Variants in MYBPC2 observed in about 807,000 individuals in gnomAD.
MYBPC2 encodes myosin binding protein C2, also known as myosin-binding protein C, fast-type.
A neutral mutation model predicts 137.0 loss-of-function variants in MYBPC2; 122 were observed. The observed-to-expected ratio is 0.89, with a 90% confidence interval of 0.77 to 1.03. The LOEUF (loss-of-function observed/expected upper bound fraction) is 1.03. Among genes scored for constraint, MYBPC2 ranks in the 50% least tolerant of loss-of-function variants. MYBPC2 has a pLI of 0.00. For synonymous variants in MYBPC2, 626 were observed against 612.3 expected (o/e 1.02, Z -0.33); for missense variants, 1,500 against 1,534.4 (o/e 0.98, Z 0.37).
At chr19:50,436,264 C>A in intron 4 of MYBPC2, 104 bp downstream of exon 4, 2 of 1,469,050 alleles carry the variant, frequency 1.4e-6, no homozygotes, top group Non-Finnish European at 9.1e-7. Flanking sequence ...GGGCCTGGAG[C>A]CGGGATGGAG....
At chr19:50,445,779 G>A (rs2122591625) in intron 11 of MYBPC2, 101 bp from the exon 12 acceptor site, 5 of 1,216,718 alleles carry the variant, frequency 4.1e-6, no homozygotes, top group Middle Eastern at 2.0e-4. Flanking sequence ...CCGGGGACCT[G>A]CCTTCTGATC....
rs746446607 is a variant in MYBPC2 at position 50,459,073 on chromosome 19, C to A, written c.2596-38C>A. ...GCAAGCCCCCTTTTTGCGGGTGGAGCCCCGCTGACCCCACCCCGCCCCGCC... is the reference window on the plus strand; with the variant it reads ...GCAAGCCCCCTTTTTGCGGGTGGAGACCCGCTGACCCCACCCCGCCCCGCC... On this transcript the variant is annotated intron_variant, in intron 22 of 27. Coordinates refer to ENST00000357701, the MANE Select transcript of MYBPC2 (RefSeq NM_004533.4). 3.2e-6 allele frequency: 5 copies of A among 1,554,012 alleles called. No individual in the cohort carries two copies. The African/African-American group carries it at 6.8e-5, about 21-fold the overall frequency.
Position 50,451,913 on chromosome 19 carries a change from G to T in MYBPC2, c.1659G>T (p.Ala553=). 2 of 1,584,780 alleles carry T rather than the reference G, an allele frequency of 1.3e-6. No individual in the cohort carries two copies. Among genetic ancestry groups the T allele is most frequent in the Non-Finnish European group, 1.7e-6 (2 of 1,164,840 alleles). ...GCTCGGGGAAGACCTCAGAGAATGC[G>T]ATTGTGGTTGTGGCTGGAAACAAGC... ...LDCSGKTSEN[A]IVVVAGNKLR... The change falls in exon 16 of 28, where the codon GCG becomes GCT. Residue 553 remains alanine (A), a synonymous_variant. Coordinates refer to ENST00000357701, the MANE Select transcript of MYBPC2 (RefSeq NM_004533.4).
intron 21 of MYBPC2, 29 bp from the exon 22 acceptor site, chr19:50,458,889 G>A (rs770241859): frequency 6.2e-7 from 1 of 1,601,174 alleles, no homozygotes; most frequent in African/African-American, 1.3e-5. Context: ...GCCCCCCGCT[G>A]AGCCCCCTCC....
chr19:50,436,476 T>G (rs2122577022), intron 4 of MYBPC2, 141 bp from the exon 5 acceptor site: 1 of 796,586 alleles, frequency 1.3e-6, no homozygotes, highest in East Asian at 2.7e-5. Flanking sequence ...CACCAGGTGC[T>G]GAGACCCCTC....
In MYBPC2 at chr19:50,451,965, G is replaced by T. The variant is rs939855481; in HGVS notation, c.1711G>T (p.Glu571Ter). 4 of 1,556,626 alleles carry T rather than the reference G, an allele frequency of 2.6e-6. No homozygotes were observed. Among genetic ancestry groups the T allele is most frequent in the Middle Eastern group, 1.7e-4 (1 of 6,020 alleles). The change falls in exon 16 of 28, where the codon GAG (glutamate) becomes TAG (stop). Residue 571 changes from glutamate to a stop codon, truncating the protein, a stop_gained. Transcript: ENST00000357701. LOFTEE classifies it high-confidence loss of function. ...KLRLDVSITGEPPPVATWLKG... is the reference protein window; with the variant it reads ...KLRLDVSITG ...GAGGCTTGACGTGTCCATCACAGGG[G>T]AGCCCCCTCCCGTCGCTACCTGGCT...
At chr19:50,442,366 A>C in intron 9 of MYBPC2, 53 bp downstream of exon 9, 2 of 1,580,060 alleles carry the variant, frequency 1.3e-6, no homozygotes, top group Admixed American at 1.8e-5. Flanking sequence ...TCCAGAGAGA[A>C]CGCCCGGAGA....
chr19:50,446,091 A>G (rs560785049), intron 12 of MYBPC2, 39 bp downstream of exon 12: 11 of 1,593,204 alleles, frequency 6.9e-6, no homozygotes, highest in South Asian at 2.3e-5. Context: ...TGCACTGCGC[A>G]TGCTTCTCCA....
chr19:50,445,677 G>C (rs953274730), intron 11 of MYBPC2, among the ~76,000 whole-genome samples: 2 of 152,126 alleles, frequency 1.3e-5, no homozygotes, highest in Non-Finnish European at 2.9e-5. Flanking sequence ...ACAGGCATGA[G>C]CCAGCGTGCC....
At position 50,449,143 on chromosome 19, in the gene MYBPC2, G is replaced by A. The variant is rs113051605; in HGVS notation, c.1472+753G>A. ...GCAGGAGGATTTCTTGGGCCCAGGA[G>A]TTCAAGACCAGCCTGGGCAACATAG... is the stretch of plus-strand genomic sequence containing the variant. On this transcript the variant is annotated intron_variant, in intron 13 of 27. Coordinates refer to ENST00000357701, the MANE Select transcript of MYBPC2 (RefSeq NM_004533.4). Among the ~76,000 whole-genome samples, 966 of 152,238 alleles carry A rather than the reference G, an allele frequency of 6.3e-3. 11 individuals carry two copies. Among genetic ancestry groups the A allele is most frequent in the Non-Finnish European group, 0.01 (696 of 67,998 alleles).
intron 12 of MYBPC2, 29 bp from the exon 13 acceptor site, chr19:50,448,196 C>A (rs1043684066): frequency 2.0e-5 from 32 of 1,598,826 alleles, no homozygotes; most frequent in Non-Finnish European, 2.4e-5. Context: ...AGAGTAGTGA[C>A]GGCTCCTTGT....
intron 13 of MYBPC2, among the ~76,000 whole-genome samples, chr19:50,449,072 G>A (rs1673029): frequency 0.018 from 2,679 of 152,212 alleles, 95 homozygotes; most frequent in African/African-American, 0.061. Context: ...GATTGGGCTC[G>A]GAGCAGTGAC....
intron 15 of MYBPC2, 56 bp downstream of exon 15, chr19:50,451,365 G>T (rs2039856076): frequency 6.3e-7 from 1 of 1,588,514 alleles, no homozygotes. Flanking sequence ...ACCGGGCTGA[G>T]GGAGGAGGGG....
In MYBPC2 at chr19:50,466,173, C is replaced by A. The variant is rs2040014498; in HGVS notation, c.3416-22C>A. The A allele has an allele frequency of 6.2e-7, 1 of 1,613,690 alleles. No homozygotes were observed. Among genetic ancestry groups the A allele is most frequent in the Non-Finnish European group, 8.5e-7 (1 of 1,179,836 alleles). On this transcript the variant is annotated intron_variant, in intron 27 of 27. Coordinates refer to ENST00000357701, the MANE Select transcript of MYBPC2 (RefSeq NM_004533.4). This position sits in a 1 kb window ranked among gnomAD's most constrained non-coding sequence, Gnocchi z 4.9. ...GGAGGCGTGCCCGGGCCTGGCTCACCCGCTTTCTCGTTTTCCTGCAGTGCC... is the reference window on the plus strand; with the variant it reads ...GGAGGCGTGCCCGGGCCTGGCTCACACGCTTTCTCGTTTTCCTGCAGTGCC...
chr19:50,458,982 G>A lies in MYBPC2; in HGVS notation c.2571G>A (p.Gln857=). 1.9e-6 allele frequency: 3 copies of A among 1,612,474 alleles called. No homozygotes were observed. Among genetic ancestry groups the A allele is most frequent in the African/African-American group, 1.3e-5 (1 of 75,024 alleles). Residue 857 remains glutamine (Q), a synonymous_variant, in exon 22 of 28, where the codon CAG becomes CAA. Transcript: ENST00000357701. ...CCTACATCCGCAAAGTGGGCGAGCA[G>A]CTCAACCTTGTCGTCCCCTTCCAGG... ...RQTYIRKVGE[Q]LNLVVPFQGK...
At chr19:50,451,419 G>A (rs2039856810) in intron 15 of MYBPC2, 110 bp downstream of exon 15, 8 of 1,206,600 alleles carry the variant, frequency 6.6e-6, no homozygotes, top group East Asian at 2.4e-5. Context: ...GATGGGCGGG[G>A]TGCGGGAGGA....
intron 13 of MYBPC2, among the ~76,000 whole-genome samples, chr19:50,450,587 T>C (rs1008385209): frequency 3.9e-5 from 6 of 152,158 alleles, no homozygotes; most frequent in African/African-American, 1.4e-4. Flanking sequence ...TACAACAACC[T>C]TGATGTAGAT....
intron 4 of MYBPC2, 134 bp from the exon 5 acceptor site, chr19:50,436,483 C>T (rs2039704636): frequency 1.2e-6 from 1 of 822,250 alleles, no homozygotes; most frequent in Non-Finnish European, 1.9e-6. Flanking sequence ...TGCTGAGACC[C>T]CTCTCGGTCT....
chr19:50,444,134 C>CCATT lies in MYBPC2; in HGVS notation c.1133+321_1133+322insTCAT, dbSNP rs1460172202. Among the ~76,000 whole-genome samples, 68 of 78,834 alleles carry CCATT rather than the reference C, an allele frequency of 8.6e-4. 1 individual carries two copies. In the Admixed American group the frequency reaches 9.4e-3, roughly 11 times the overall value. 51.7% of individuals were successfully genotyped at this position (78,834 alleles called of 152,430 possible). ...CCAGGTATCCACTCATCCACCCAGT[C>CCATT]CATCCATCCATCCATCCATCCATCC... is the stretch of plus-strand genomic sequence containing the variant. On this transcript the variant is annotated intron_variant, in intron 11 of 27. Coordinates refer to ENST00000357701, the MANE Select transcript of MYBPC2 (RefSeq NM_004533.4).
Sources: gnomAD v4.1 joint callset for allele counts (sites outside exome capture counted in the v4.1 genomes callset) on GRCh38, gnomAD v4.1.1 for gene constraint, Gnocchi (gnomAD v3.1) non-coding constraint, MANE v1.5 for transcripts, NCBI Gene and HGNC (gene_info 2026-07-23, HGNC 2026-07-21) for gene names.